NUP210: variants seen among roughly 807,000 people sequenced by gnomAD.
NUP210 encodes nucleoporin 210.
NUP210 carries 151 observed loss-of-function variants against 196.0 expected under a neutral mutation model. The observed-to-expected ratio is 0.77, with a 90% CI of 0.67 to 0.88. The LOEUF (loss-of-function observed/expected upper bound fraction) is 0.88, where lower values mean the gene tolerates loss of function less well. NUP210 is among the 40% of genes least tolerant of loss of function. NUP210 has a pLI of 0.00. For synonymous variants in NUP210, 1,070 were observed against 1,052.7 expected, an observed-to-expected ratio of 1.02 and a Z score of -0.32; for missense variants, 2,314 against 2,493.7, an observed-to-expected ratio of 0.93 and a Z score of 1.53.
At chr3:13,376,515 A>C in intron 9 of NUP210, 84 bp from the exon 10 acceptor site, 1 of 1,543,312 alleles carries the variant, frequency 6.5e-7, no homozygotes, top group Non-Finnish European at 8.9e-7. Context: ...TACAGGACTG[A>C]AACCAGCAGC....
intron 1 of NUP210, among the ~76,000 whole-genome samples, chr3:13,418,313 C>T (rs2124971878): frequency 6.6e-6 from 1 of 152,332 alleles, no homozygotes; most frequent in African/African-American, 2.4e-5. Flanking sequence ...ATAGGGCAGG[C>T]CGGGTGCAGT....
chr3:13,367,880 C>T (rs1050444027), intron 13 of NUP210, among the ~76,000 whole-genome samples: 5 of 152,126 alleles, frequency 3.3e-5, no homozygotes, highest in African/African-American at 4.8e-5. Context: ...CATCTGGGTG[C>T]CTTCCTCTTG....
Position 13,323,468 on chromosome 3 carries a change from G to T in NUP210, c.4645-36C>A, listed in dbSNP as rs773242323. 6.2e-7 allele frequency: 1 copy of T among 1,611,866 alleles called. No homozygotes were observed. Among genetic ancestry groups the T allele is most frequent in the South Asian group, 1.1e-5 (1 of 90,930 alleles). On this transcript the variant is annotated intron_variant, in intron 33 of 39. Coordinates refer to ENST00000254508, the MANE Select transcript of NUP210 (RefSeq NM_024923.4). The surrounding 1 kb of genome is among the most constrained non-coding windows in gnomAD (Gnocchi z 4.3). Reference sequence around the variant, plus strand: ...AGCCAAGGAAGCTTCATGGAGCGCCGCCTGTGTCCCGGTCCATGCTGGGCG... The same window carrying T: ...AGCCAAGGAAGCTTCATGGAGCGCCTCCTGTGTCCCGGTCCATGCTGGGCG...
At position 13,325,931 on chromosome 3, in the gene NUP210, C is replaced by T. The variant is rs1696733929; in HGVS notation, c.4508G>A (p.Gly1503Asp). Reference sequence around the variant, plus strand: ...CGAGGAGCTCCAGGTTCCTGAGAGGCCTGGAGAGGAAGCACAGGTGTCAGC... The same window carrying T: ...CGAGGAGCTCCAGGTTCCTGAGAGGTCTGGAGAGGAAGCACAGGTGTCAGC... The part of the protein sequence containing the change: ...CLATVLTSLE[G>D]LSGTWSSSAN... The change falls in exon 33 of 40, where the codon GGC becomes GAC. Residue 1503 changes from glycine (G) to aspartate (D), a missense_variant and splice_region_variant. Gly to Asp is a moderately conservative substitution (Grantham distance 94). Transcript: ENST00000254508. 2 of 1,613,830 alleles carry T rather than the reference C, an allele frequency of 1.2e-6. No individual in the cohort carries two copies. Among genetic ancestry groups the T allele is most frequent in the Non-Finnish European group, 1.7e-6 (2 of 1,179,960 alleles).
chr3:13,362,133 T>G (rs1030611714), intron 14 of NUP210, among the ~76,000 whole-genome samples: 3 of 152,154 alleles, frequency 2.0e-5, no homozygotes, highest in Admixed American at 6.5e-5. Context: ...TGTGTCTGTT[T>G]CCTTCTCTGT....
chr3:13,326,891 T>G (rs1331478116), intron 32 of NUP210, among the ~76,000 whole-genome samples: 2 of 152,278 alleles, frequency 1.3e-5, no homozygotes, highest in African/African-American at 4.8e-5. Context: ...AAATGCTTTC[T>G]GTGAAGGTCG....
rs1481022697 is a variant in NUP210 at position 13,347,582 on chromosome 3, G to T, written c.2836-4279C>A. 6.6e-6 allele frequency among the ~76,000 whole-genome samples: 1 copy of T among 152,116 alleles called. No individual in the cohort carries two copies. Among genetic ancestry groups the T allele is most frequent in the African/African-American group, 2.4e-5 (1 of 41,416 alleles). ...GGACCCCTGCTGCGTGAGCCCCAGA[G>T]AGCCCCCCAGAGACACTCCAAAGCC... On this transcript the variant is annotated intron_variant, in intron 20 of 39. Coordinates refer to ENST00000254508, the MANE Select transcript of NUP210 (RefSeq NM_024923.4). The surrounding 1 kb of genome is among the most constrained non-coding windows in gnomAD (Gnocchi z 4.7).
At chr3:13,369,850 G>A (rs576746829) in intron 13 of NUP210, among the ~76,000 whole-genome samples, 1 of 152,218 alleles carries the variant, frequency 6.6e-6, no homozygotes, top group African/African-American at 2.4e-5. Context: ...ACCCAAGAGG[G>A]CAAGGCAGAA....
chr3:13,416,542 C>T (rs754167816), intron 1 of NUP210, among the ~76,000 whole-genome samples: 5 of 152,240 alleles, frequency 3.3e-5, no homozygotes, highest in Admixed American at 6.5e-5. Context: ...CAACAGAGCA[C>T]TTTCTCTGTA....
chr3:13,394,816 A>C (rs1256922858), intron 3 of NUP210, among the ~76,000 whole-genome samples: 1 of 152,214 alleles, frequency 6.6e-6, no homozygotes, highest in African/African-American at 2.4e-5. Flanking sequence ...CTGCCCTCAA[A>C]GGTTCTAAGG....
intron 3 of NUP210, among the ~76,000 whole-genome samples, chr3:13,396,047 C>T (rs1484522798): frequency 6.6e-6 from 1 of 152,202 alleles, no homozygotes; most frequent in Non-Finnish European, 1.5e-5. Context: ...AGGTTAAGGG[C>T]CTCATCTGAT....
At chr3:13,318,329 T>C (rs1412323586) in intron 39 of NUP210, among the ~76,000 whole-genome samples, 3 of 152,236 alleles carry the variant, frequency 2.0e-5, no homozygotes. Context: ...GCTTTGCAGG[T>C]AGAGAAGTCG....
rs1309975917 is a variant in NUP210 at position 13,343,304 on chromosome 3, C to G, written c.2836-1G>C. The G allele has an allele frequency of 7.4e-7, 1 of 1,343,538 alleles. No homozygotes were observed. Among genetic ancestry groups the G allele is most frequent in the African/African-American group, 1.6e-5 (1 of 62,674 alleles). The allele number at this position is 1,343,538 out of a possible 1,614,324, so 83.2% of individuals were successfully genotyped here. The stretch of plus-strand genomic sequence containing the variant: ...ATGAGCCCGGGAGCAAAGGGTGCAC[C>G]TGCAAGGTTGGGGCGGAGGTGGAGG... On this transcript the variant is annotated splice_acceptor_variant, in intron 20 of 39. Transcript: ENST00000254508. LOFTEE classifies it high-confidence loss of function.
At position 13,361,614 on chromosome 3, in the gene NUP210, C is replaced by T. The variant is rs1698374289; in HGVS notation, c.1933-1123G>A. Among the ~76,000 whole-genome samples, 4 of 152,302 alleles carry T rather than the reference C, an allele frequency of 2.6e-5. No homozygotes were observed. The South Asian group carries it at 8.3e-4, about 32-fold the overall frequency. ...CCTGCCCAGCTGGGCTAACCTCCCA[C>T]TGCAGAGGGTCCCACTGCAGTGACT... On this transcript the variant is annotated intron_variant, in intron 14 of 39. Coordinates refer to ENST00000254508, the MANE Select transcript of NUP210 (RefSeq NM_024923.4).
chr3:13,320,512 A>G (rs1231352753), intron 36 of NUP210, among the ~76,000 whole-genome samples: 1 of 151,558 alleles, frequency 6.6e-6, no homozygotes, highest in African/African-American at 2.4e-5. Context: ...AGGCGCCTGT[A>G]GTCCCAGCTA....
At chr3:13,366,119 AC>A in intron 13 of NUP210, 28 bp from the exon 14 acceptor site, 2 of 1,601,174 alleles carry the variant, frequency 1.2e-6, no homozygotes, top group Non-Finnish European at 1.7e-6. Flanking sequence ...CTAGATGGTC[AC>A]CCTGAAATCA....
In NUP210 at chr3:13,371,867, C is replaced by T. The variant is rs1228418761; in HGVS notation, c.1753G>A (p.Val585Met). 6.2e-7 allele frequency: 1 copy of T among 1,609,716 alleles called. No individual in the cohort carries two copies. The highest frequency in any genetic ancestry group is 1.3e-5 in the African/African-American group (1 of 74,884). ...GGCTGGAACACACCCTGGTTCTCCA[C>T]CTCGACAGCCAAGTCAAAGTGGGAG... Reference protein sequence around the residue: ...DCSHFDLAVEVENQGVFQPLP... With the variant: ...DCSHFDLAVEMENQGVFQPLP... Residue 585 changes from valine to methionine, a missense_variant, in exon 13 of 40, where the codon GTG (valine) becomes ATG (methionine). Coordinates refer to ENST00000254508, the MANE Select transcript of NUP210 (RefSeq NM_024923.4).
intron 35 of NUP210, 72 bp downstream of exon 35, chr3:13,322,121 T>C: frequency 6.4e-7 from 1 of 1,564,478 alleles, no homozygotes. Flanking sequence ...GCTGGGCACG[T>C]GGAAGCCGCA....
Position 13,327,410 on chromosome 3 carries a change from GC to G in NUP210, c.4313del (p.Gly1438AlafsTer16), listed in dbSNP as rs752557301. The G allele has an allele frequency of 5.0e-6, 8 of 1,612,526 alleles. No individual in the cohort carries two copies. Among genetic ancestry groups the G allele is most frequent in the Middle Eastern group, 1.7e-4 (1 of 5,914 alleles). ...NRDDFVQIGKGPTNNTCVVRT... is the reference protein window; with the variant it reads ...NRDDFVQIGKXPTNNTCVVRT... The stretch of plus-strand genomic sequence containing the variant: ...GGACAACGCAGGTGTTGTTGGTGGG[GC>G]CCTTCCCGATCTGCACAAAGTCGTC... On this transcript the variant is annotated frameshift_variant, in exon 32 of 40. Transcript: ENST00000254508. LOFTEE classifies it high-confidence loss of function.
Sources: gnomAD v4.1 joint callset for allele counts (sites outside exome capture counted in the v4.1 genomes callset) on GRCh38, gnomAD v4.1.1 for gene constraint, Gnocchi (gnomAD v3.1) non-coding constraint, MANE v1.5 for transcripts, NCBI Gene and HGNC (gene_info 2026-07-23, HGNC 2026-07-21) for gene names.